The following CAND2 variants were observed in gnomAD, a reference collection of about 807,000 sequenced individuals.
CAND2 encodes the protein cullin-associated NEDD8-dissociated protein 2.
CAND2 carries 62 observed loss-of-function variants against 98.9 expected under a neutral mutation model. The observed-to-expected ratio is 0.63, with a 90% CI of 0.51 to 0.77. The LOEUF (loss-of-function observed/expected upper bound fraction) is 0.77. CAND2 is among the 30% of genes least tolerant of loss of function. CAND2 has a pLI of 0.00. For missense variants in CAND2, 1,501 were observed against 1,655.2 expected, an observed-to-expected ratio of 0.91 and a Z score of 1.62; for synonymous variants, 770 against 731.9, an observed-to-expected ratio of 1.05 and a Z score of -0.84.
In CAND2 at chr3:12,814,658, C is replaced by T. The variant is rs564924277; in HGVS notation, c.1007-483C>T. Among the ~76,000 whole-genome samples, 21 of 152,216 alleles carry T rather than the reference C, an allele frequency of 1.4e-4. 1 individual carries two copies. Among genetic ancestry groups the T allele is most frequent in the East Asian group, 1.9e-4 (1 of 5,176 alleles). Reference sequence around the variant, plus strand: ...TTCTCCCTTCTGGAGTCCCAGTAAACGAAACATCACATAGCCAAACCTGAT... The same window carrying T: ...TTCTCCCTTCTGGAGTCCCAGTAAATGAAACATCACATAGCCAAACCTGAT... On this transcript the variant is annotated intron_variant, in intron 7 of 14. Coordinates refer to ENST00000456430, the MANE Select transcript of CAND2 (RefSeq NM_001162499.2).
chr3:12,812,954 T>C, intron 5 of CAND2, 36 bp from the exon 6 acceptor site: 1 of 1,362,876 alleles, frequency 7.3e-7, no homozygotes, highest in Non-Finnish European at 1.0e-6. Context: ...CGGGAGAGTG[T>C]CTGGCTTGGG....
At chr3:12,810,420 C>G (rs766670686) in intron 5 of CAND2, 96 bp downstream of exon 5, 2 of 1,231,030 alleles carry the variant, frequency 1.6e-6, no homozygotes, top group African/African-American at 3.2e-5. Flanking sequence ...GGCCGCAGTG[C>G]AGCCAGGGCC....
intron 2 of CAND2, 73 bp downstream of exon 2, chr3:12,803,704 C>T: frequency 7.1e-7 from 1 of 1,414,586 alleles, no homozygotes; most frequent in Non-Finnish European, 9.5e-7. Flanking sequence ...ACCGCTGTCC[C>T]TTTGGGGTAC....
chr3:12,808,074 TG>T, intron 3 of CAND2, 135 bp from the exon 4 acceptor site: 1 of 1,170,110 alleles, frequency 8.5e-7, no homozygotes. Context: ...GGGTCAAACC[TG>T]GGACCTCTGG....
chr3:12,810,401 C>G (rs113830445), intron 5 of CAND2, 77 bp downstream of exon 5: 7 of 1,162,324 alleles, frequency 6.0e-6, no homozygotes, highest in Non-Finnish European at 7.6e-6. Flanking sequence ...GGTAAAGGGG[C>G]GGAGCTTGGG....
rs2061888556 is a variant in CAND2 at position 12,815,301 on chromosome 3, G to A, written c.1167G>A (p.Glu389=). The change falls in exon 8 of 15, where the codon GAG becomes GAA. Residue 389 remains glutamate, a synonymous_variant. Coordinates refer to ENST00000456430, the MANE Select transcript of CAND2 (RefSeq NM_001162499.2). The surrounding 1 kb of genome is among the most constrained non-coding windows in gnomAD (Gnocchi z 5.7). ...TCATCCGCCGCTTCAAAGAACGCGA[G>A]GAGAACGTCAAGGCTGACGTCTTCA... The part of the protein sequence containing the change: ...PVLIRRFKER[E]ENVKADVFTA... 1 of 1,614,010 alleles carries A rather than the reference G, an allele frequency of 6.2e-7. No homozygotes were observed. Among genetic ancestry groups the A allele is most frequent in the East Asian group, 2.2e-5 (1 of 44,892 alleles).
intron 7 of CAND2, among the ~76,000 whole-genome samples, chr3:12,814,606 GAA>G (rs1222524317): frequency 6.6e-6 from 1 of 152,156 alleles, no homozygotes; most frequent in Non-Finnish European, 1.5e-5. Flanking sequence ...TCGGGGGAGA[GAA>G]GAGGCCAAAG....
At chr3:12,812,255 G>T (rs376559570) in intron 5 of CAND2, among the ~76,000 whole-genome samples, 1 of 89,376 alleles carries the variant, frequency 1.1e-5, no homozygotes, top group South Asian at 3.3e-4. Context: ...ATAGAATCTC[G>T]CTCTGTCCCC....
At chr3:12,827,415 T>G in intron 12 of CAND2, 25 bp from the exon 13 acceptor site, 2 of 1,604,376 alleles carry the variant, frequency 1.2e-6, no homozygotes, top group South Asian at 2.2e-5. Context: ...TGGGGCCATA[T>G]CACCAACCTT....
At chr3:12,805,277 C>CT (rs71268422) in intron 2 of CAND2, among the ~76,000 whole-genome samples, 10,969 of 145,962 alleles carry the variant, frequency 0.075, 645 homozygotes, top group Admixed American at 0.15. Flanking sequence ...GCAAGATTTT[C>CT]TTTTTTTTTT....
rs2062014999 is a variant in CAND2 at position 12,827,593 on chromosome 3, T to G, written c.3364T>G (p.Tyr1122Asp). 2 of 1,611,340 alleles carry G rather than the reference T, an allele frequency of 1.2e-6. No homozygotes were observed. Among genetic ancestry groups the G allele is most frequent in the Admixed American group, 1.7e-5 (1 of 59,856 alleles). Residue 1122 changes from tyrosine to aspartate, a missense_variant, in exon 13 of 15, where the codon TAC becomes GAC. This residue lies in a region of CAND2 where 1,427 missense variants were observed against 1,545.3 expected (regional missense o/e 0.92). Transcript: ENST00000456430. ...NHVEDGLKDH[Y>D]DIRMLTFIMV... ...TGTGGAGGACGGGCTGAAGGACCAC[T>G]ACGACATCCGGGTAAGACCAAGCCC...
intron 1 of CAND2, among the ~76,000 whole-genome samples, chr3:12,803,148 C>T (rs888949374): frequency 2.0e-5 from 3 of 152,086 alleles, no homozygotes; most frequent in African/African-American, 7.2e-5. Context: ...CGCCACCACA[C>T]CTGGCTAATT....
Position 12,831,536 on chromosome 3 carries a change from A to G in CAND2, c.3447A>G (p.Arg1149=). Residue 1149 remains arginine (R), a synonymous_variant, in exon 14 of 15, where the codon CGA becomes CGG. Transcript: ENST00000456430. ...CPAPVLQRVD[R]LIEPLRATCT... ...CACCTGTCCTGCAGAGGGTGGACCG[A>G]CTCATTGAGCCACTAAGGGCCACCT... 1 of 1,613,450 alleles carries G rather than the reference A, an allele frequency of 6.2e-7. No homozygotes were observed. The highest frequency in any genetic ancestry group is 1.1e-5 in the South Asian group (1 of 91,016).
chr3:12,834,204 C>A lies in CAND2; in HGVS notation c.*222C>A. The A allele has an allele frequency of 1.7e-6, 1 of 576,426 alleles. No individual in the cohort carries two copies. 35.7% of individuals were successfully genotyped at this position (576,426 alleles called of 1,614,324 possible). A position where few individuals can be genotyped will look rare whatever the true frequency, so the allele number is the denominator to read the frequency against. ...GCCAACAGTTGGGCCCCTTCCTTAA[C>A]TCAGGACAGTCATCCAAAGAAATAG... is the stretch of plus-strand genomic sequence containing the variant. On this transcript the variant is annotated 3_prime_UTR_variant, in exon 15 of 15. Transcript: ENST00000456430.
rs759743585 is a variant in CAND2, at chr3:12,820,134, T to C, written c.2993T>C (p.Ile998Thr). 1 of 1,614,142 alleles carries C rather than the reference T, an allele frequency of 6.2e-7. No homozygotes were observed. Among genetic ancestry groups the C allele is most frequent in the East Asian group, 2.2e-5 (1 of 44,872 alleles). The change falls in exon 11 of 15, where the codon ATC becomes ACC. Residue 998 changes from isoleucine to threonine, a missense_variant. By Grantham distance (89) the Ile-to-Thr change is moderately conservative. Around this residue, in one of 3 missense-constraint regions of CAND2, gnomAD observed 1,427 missense variants for 1,545.3 expected, o/e 0.92. Transcript: ENST00000456430. ...STVITAVKFL[I>T]SDQPHPIDPL... ...GTCATCACAGCGGTCAAGTTCCTTA[T>C]CTCGGACCAGCCCCATCCCATTGAC...
chr3:12,812,518 C>G (rs1044923056), intron 5 of CAND2, among the ~76,000 whole-genome samples: 4 of 150,070 alleles, frequency 2.7e-5, no homozygotes, highest in African/African-American at 9.8e-5. Context: ...CATTCTCCTG[C>G]CTCAGCCTCC....
At chr3:12,811,658 G>A (rs1413147261) in intron 5 of CAND2, among the ~76,000 whole-genome samples, 2 of 151,754 alleles carry the variant, frequency 1.3e-5, no homozygotes, top group African/African-American at 4.8e-5. Flanking sequence ...CGCAACCTCC[G>A]CCTCCCGGAT....
chr3:12,801,899 C>T (rs543435123), intron 1 of CAND2, among the ~76,000 whole-genome samples: 1 of 152,298 alleles, frequency 6.6e-6, no homozygotes, highest in East Asian at 1.9e-4. Flanking sequence ...CTGGCTATAG[C>T]TGGAGATCCA....
At chr3:12,821,527 T>A (rs1397695704) in intron 11 of CAND2, among the ~76,000 whole-genome samples, 1 of 152,154 alleles carries the variant, frequency 6.6e-6, no homozygotes, top group Non-Finnish European at 1.5e-5. Context: ...TCTAGCAAGG[T>A]CATCGGCAGC....
Sources: gnomAD v4.1 joint callset for allele counts (sites outside exome capture counted in the v4.1 genomes callset) on GRCh38, gnomAD v4.1.1 for gene constraint, gnomAD v4.1.1 regional missense constraint, Gnocchi (gnomAD v3.1) non-coding constraint, MANE v1.5 for transcripts, NCBI Gene and HGNC (gene_info 2026-07-23, HGNC 2026-07-21) for gene names.